Variants in TMEM117 observed in about 807,000 individuals in gnomAD.
TMEM117 encodes transmembrane protein 117.
Under a neutral mutation model 52.4 loss-of-function variants are expected in TMEM117, and 27 were observed. That is an observed-to-expected ratio of 0.51 (90% CI 0.38 to 0.71). TMEM117 has a LOEUF of 0.71. Ranked by LOEUF, TMEM117 falls within the 30% of genes least tolerant of loss-of-function variation. TMEM117 has a pLI of 0.00. For synonymous variants in TMEM117, 215 were observed against 206.3 expected (o/e 1.04, Z -0.36); for missense variants, 556 against 630.5 (o/e 0.88, Z 1.26).
chr12:44,166,898 C>T (rs1948975201), intron 4 of TMEM117, among the ~76,000 whole-genome samples: 2 of 152,192 alleles, frequency 1.3e-5, no homozygotes, highest in African/African-American at 2.4e-5. Context: ...AAATTTAAAA[C>T]CTATAATTTT....
At chr12:44,078,354 G>A (rs1947415774) in intron 3 of TMEM117, among the ~76,000 whole-genome samples, 1 of 152,224 alleles carries the variant, frequency 6.6e-6, no homozygotes, top group Non-Finnish European at 1.5e-5. Flanking sequence ...TCAGTTGGTT[G>A]TGGATAGATG....
chr12:44,368,687 A>G (rs1951823448), intron 6 of TMEM117, among the ~76,000 whole-genome samples: 1 of 152,162 alleles, frequency 6.6e-6, no homozygotes, highest in African/African-American at 2.4e-5. Context: ...GCCAGAACAG[A>G]TACTGGAGCA....
intron 7 of TMEM117, among the ~76,000 whole-genome samples, chr12:44,381,214 C>T (rs1292667295): frequency 6.6e-6 from 1 of 152,100 alleles, no homozygotes; most frequent in Non-Finnish European, 1.5e-5. Flanking sequence ...ATATGGGCTT[C>T]AGTAACAAAG....
At chr12:44,206,982 T>A (rs746140791) in intron 4 of TMEM117, among the ~76,000 whole-genome samples, 2 of 152,116 alleles carry the variant, frequency 1.3e-5, no homozygotes, top group Non-Finnish European at 2.9e-5. Flanking sequence ...AAAAAATTTT[T>A]AAAAAGGTAT....
chr12:44,345,657 C>A (rs965464624), intron 6 of TMEM117, among the ~76,000 whole-genome samples: 4 of 152,020 alleles, frequency 2.6e-5, no homozygotes, highest in Admixed American at 2.0e-4. Context: ...CAGACTAATA[C>A]AAAAATCCGT....
chr12:44,386,281 C>A (rs906818371), intron 7 of TMEM117, among the ~76,000 whole-genome samples: 2 of 152,086 alleles, frequency 1.3e-5, no homozygotes, highest in African/African-American at 4.8e-5. Flanking sequence ...TATGGTTGAT[C>A]TTTAATATGA....
intron 3 of TMEM117, among the ~76,000 whole-genome samples, chr12:44,090,343 C>A (rs188250165): frequency 6.6e-6 from 1 of 151,778 alleles, no homozygotes; most frequent in Non-Finnish European, 1.5e-5. Flanking sequence ...TTGGATTCTC[C>A]AGGGTTTATT....
intron 3 of TMEM117, among the ~76,000 whole-genome samples, chr12:43,972,674 T>C (rs1224690117): frequency 6.6e-6 from 1 of 152,196 alleles, no homozygotes; most frequent in Non-Finnish European, 1.5e-5. Flanking sequence ...GAGTGCTGAT[T>C]GGTGCGTTTT....
chr12:44,051,787 C>T (rs1329987048), intron 3 of TMEM117, among the ~76,000 whole-genome samples: 2 of 152,196 alleles, frequency 1.3e-5, no homozygotes, highest in Admixed American at 1.3e-4. Context: ...TTACCCCACT[C>T]ATTATTCAAA....
intron 6 of TMEM117, among the ~76,000 whole-genome samples, chr12:44,351,666 C>A (rs1452204355): frequency 1.3e-5 from 2 of 151,766 alleles, no homozygotes; most frequent in South Asian, 2.1e-4. Context: ...TCATTCAAGG[C>A]CTACATATAT....
Position 44,286,647 on chromosome 12 carries a change from C to T in TMEM117, c.609-12933C>T, listed in dbSNP as rs186528130. Among the ~76,000 whole-genome samples, 15 of 152,086 alleles carry T rather than the reference C, an allele frequency of 9.9e-5. No individual in the cohort carries two copies. In the East Asian group the frequency reaches 1.7e-3, roughly 18 times the overall value. On this transcript the variant is annotated intron_variant, in intron 5 of 7. Transcript: ENST00000266534. Reference sequence around the variant, plus strand: ...ATTTAGATACCTAAAGTAAAAGTTCCGTATTTTATAAAACCCAGGAGTTAG... The same window carrying T: ...ATTTAGATACCTAAAGTAAAAGTTCTGTATTTTATAAAACCCAGGAGTTAG...
intron 3 of TMEM117, among the ~76,000 whole-genome samples, chr12:44,053,208 C>T (rs1947002335): frequency 6.6e-6 from 1 of 152,172 alleles, no homozygotes; most frequent in South Asian, 2.1e-4. Context: ...TGCTCTTCTG[C>T]TCAATTTGAC....
chr12:44,333,703 T>G (rs1951303229), intron 6 of TMEM117, among the ~76,000 whole-genome samples: 1 of 152,072 alleles, frequency 6.6e-6, no homozygotes, highest in Admixed American at 6.6e-5. Flanking sequence ...GTTTCTTTTA[T>G]GAATTACCCA....
At chr12:44,156,555 T>C (rs1396334810) in intron 4 of TMEM117, among the ~76,000 whole-genome samples, 1 of 152,086 alleles carries the variant, frequency 6.6e-6, no homozygotes, top group Non-Finnish European at 1.5e-5. Flanking sequence ...TTGGAATGTT[T>C]AAGAGATTCC....
intron 2 of TMEM117, among the ~76,000 whole-genome samples, chr12:43,851,396 T>G (rs570048526): frequency 5.9e-5 from 9 of 152,312 alleles, no homozygotes; most frequent in Admixed American, 5.2e-4. Flanking sequence ...TTATAAAAGT[T>G]AAATTCCATT....
At chr12:44,254,817 C>T (rs1950239750) in intron 5 of TMEM117, among the ~76,000 whole-genome samples, 2 of 151,834 alleles carry the variant, frequency 1.3e-5, no homozygotes, top group African/African-American at 4.8e-5. Flanking sequence ...TCTCCCCCCA[C>T]CCCACAACAG....
At chr12:44,201,607 GA>G (rs1949496422) in intron 4 of TMEM117, among the ~76,000 whole-genome samples, 1 of 152,174 alleles carries the variant, frequency 6.6e-6, no homozygotes. Context: ...TGGAAAGATG[GA>G]AAAAAATAAT....
intron 5 of TMEM117, among the ~76,000 whole-genome samples, chr12:44,255,880 C>G (rs931259349): frequency 6.6e-6 from 1 of 151,994 alleles, no homozygotes; most frequent in East Asian, 1.9e-4. Flanking sequence ...GGAAAACAAT[C>G]CTCATATTTC....
At chr12:44,366,921 C>CA (rs1210305521) in intron 6 of TMEM117, among the ~76,000 whole-genome samples, 1 of 152,116 alleles carries the variant, frequency 6.6e-6, no homozygotes, top group African/African-American at 2.4e-5. Context: ...ACTACTGGTA[C>CA]AGCAGTGGTA....
Sources: allele counts gnomAD v4.1 joint callset (sites outside exome capture counted in the v4.1 genomes callset), GRCh38; gene constraint gnomAD v4.1.1; transcripts MANE v1.5; gene names NCBI Gene and HGNC (gene_info 2026-07-23, HGNC 2026-07-21).